GNAL: variants seen among roughly 807,000 people sequenced by gnomAD.
The protein encoded by GNAL is G protein subunit alpha L.
GNAL carries 18 observed loss-of-function variants against 55.1 expected under a neutral mutation model. That is an observed-to-expected ratio of 0.33 (90% CI 0.23 to 0.48). The LOEUF (loss-of-function observed/expected upper bound fraction) is 0.48. Ranked by LOEUF, GNAL falls within the 20% of genes least tolerant of loss-of-function variation. The pLI is 0.99. For missense variants in GNAL, 412 were observed against 614.1 expected (o/e 0.67, Z 3.48); for synonymous variants, 253 against 237.0 (o/e 1.07, Z -0.62).
At chr18:11,761,541 C>T (rs986278484) in intron 4 of GNAL, among the ~76,000 whole-genome samples, 1 of 152,226 alleles carries the variant, frequency 6.6e-6, no homozygotes, top group East Asian at 1.9e-4. Flanking sequence ...CCCACCATTT[C>T]GGCTTGGCCT....
chr18:11,857,377 C>A, intron 5 of GNAL: 1 of 501,110 alleles, frequency 2.0e-6, no homozygotes, highest in Non-Finnish European at 2.6e-6. Flanking sequence ...AGGAATGACA[C>A]AGGATCTGAG....
rs371094261 is a variant in GNAL at position 11,753,826 on chromosome 18, A to G, written c.505A>G (p.Thr169Ala). The change falls in exon 4 of 12, where the codon ACA becomes GCA. Residue 169 changes from threonine to alanine, a missense_variant and splice_region_variant. Transcript: ENST00000334049. ...TATTTTTTTTCTTATTCCATTTTAG[A>G]CAATTGTTTCAGCAATGAGTACTAT... is the stretch of plus-strand genomic sequence containing the variant. Reference protein sequence around the residue: ...IRKNVKDAIVTIVSAMSTIIP... With the variant: ...IRKNVKDAIVAIVSAMSTIIP... 102 of 1,607,466 alleles carry G rather than the reference A, an allele frequency of 6.3e-5. 2 individuals carry two copies. The highest frequency in any genetic ancestry group is 5.6e-4 in the East Asian group (25 of 44,862).
chr18:11,725,564 T>A (rs1198970033), intron 1 of GNAL, among the ~76,000 whole-genome samples: 3 of 152,264 alleles, frequency 2.0e-5, no homozygotes, highest in Non-Finnish European at 4.4e-5. Context: ...GTATGTAGCC[T>A]TTTCAGACTT....
At chr18:11,859,417 C>T (rs1349447053) in intron 5 of GNAL, among the ~76,000 whole-genome samples, 3 of 152,224 alleles carry the variant, frequency 2.0e-5, no homozygotes, top group Non-Finnish European at 2.9e-5. Flanking sequence ...CCTTCCACCA[C>T]GCTCTTCACC....
At chr18:11,779,275 A>G (rs2033865934) in intron 4 of GNAL, among the ~76,000 whole-genome samples, 1 of 152,188 alleles carries the variant, frequency 6.6e-6, no homozygotes, top group Non-Finnish European at 1.5e-5. Context: ...ATAGTTTGTC[A>G]TTGCACCCAG....
rs2031209102 is a variant in GNAL, at chr18:11,690,459, GC to G, written c.376+521del. Among the ~76,000 whole-genome samples, 4 of 147,704 alleles carry G rather than the reference GC, an allele frequency of 2.7e-5. No individual in the cohort carries two copies. In the South Asian group the frequency reaches 8.5e-4, roughly 31 times the overall value. On this transcript the variant is annotated intron_variant, in intron 1 of 11. Transcript: ENST00000334049. ...TTGAGAAAGAACTTGAGCTGCACTTGCATTTTTTTTTTATTATACTTTAAGT... is the reference window on the plus strand; with the variant it reads ...TTGAGAAAGAACTTGAGCTGCACTTGATTTTTTTTTTATTATACTTTAAGT...
chr18:11,692,140 C>T (rs1352542083), intron 1 of GNAL, among the ~76,000 whole-genome samples: 1 of 152,164 alleles, frequency 6.6e-6, no homozygotes, highest in South Asian at 2.1e-4. Context: ...CAGGTCTGTG[C>T]TCTCTGCTAT....
rs1044393018 is a variant in GNAL at position 11,689,568 on chromosome 18, G to A, written c.5G>A (p.Gly2Asp). Residue 2 changes from glycine to aspartate, a missense_variant, in exon 1 of 12, where the codon GGT becomes GAT. Gly to Asp is a moderately conservative substitution (Grantham distance 94, BLOSUM62 -1). Transcript: ENST00000334049. ...CCCCCGCTGTGCCGCGCCCACATGG[G>A]TCTGTGCTACAGTCTGCGGCCGCTG... M[G>D]LCYSLRPLLF... 3 of 1,282,026 alleles carry A rather than the reference G, an allele frequency of 2.3e-6. No homozygotes were observed. The highest frequency in any genetic ancestry group is 2.9e-6 in the Non-Finnish European group (3 of 1,018,162). The allele number at this position is 1,282,026 out of a possible 1,614,324, so 79.4% of individuals were successfully genotyped here.
chr18:11,722,595 G>T (rs761922078), intron 1 of GNAL, among the ~76,000 whole-genome samples: 6 of 152,212 alleles, frequency 3.9e-5, no homozygotes, highest in Non-Finnish European at 5.9e-5. Context: ...TGTTGGCTGG[G>T]TGCGGTGGCT....
intron 4 of GNAL, among the ~76,000 whole-genome samples, chr18:11,772,556 A>G (rs574857880): frequency 6.6e-6 from 1 of 152,268 alleles, no homozygotes; most frequent in African/African-American, 2.4e-5. Flanking sequence ...TAATCTTAGC[A>G]TTTCAGCTGG....
chr18:11,789,349 A>T (rs2034165667), intron 4 of GNAL, among the ~76,000 whole-genome samples: 1 of 152,226 alleles, frequency 6.6e-6, no homozygotes, highest in African/African-American at 2.4e-5. Flanking sequence ...CAAGAAGTGT[A>T]AAGTGGTTTT....
At chr18:11,744,019 G>A (rs915983556) in intron 1 of GNAL, among the ~76,000 whole-genome samples, 1 of 152,080 alleles carries the variant, frequency 6.6e-6, no homozygotes, top group African/African-American at 2.4e-5. Context: ...GCTTTTGTTT[G>A]GTTTTGTTTT....
chr18:11,817,242 A>G lies in GNAL; in HGVS notation c.625-7676A>G, dbSNP rs2034979829. On this transcript the variant is annotated intron_variant, in intron 4 of 11. Coordinates refer to ENST00000334049, the MANE Select transcript of GNAL (RefSeq NM_182978.4). ...CTCACTGGTCTCTTATACCCAAGGA[A>G]CTGCTATTGAGCAGAGAACAGGGAA... Among the ~76,000 whole-genome samples the G allele has an allele frequency of 2.0e-5, 3 of 152,238 alleles. No homozygotes were observed. The South Asian group carries it at 6.2e-4, about 31-fold the overall frequency.
At chr18:11,787,438 A>G (rs1254838395) in intron 4 of GNAL, among the ~76,000 whole-genome samples, 2 of 152,230 alleles carry the variant, frequency 1.3e-5, no homozygotes, top group African/African-American at 4.8e-5. Context: ...TTACAGTACT[A>G]TCATAATTTG....
At position 11,881,171 on chromosome 18, in the gene GNAL, C is replaced by T. The variant is rs1038521817; in HGVS notation, c.*36C>T. The T allele has an allele frequency of 7.0e-6, 11 of 1,565,594 alleles. No individual in the cohort carries two copies. The highest frequency in any genetic ancestry group is 6.8e-5 in the African/African-American group (5 of 73,908). On this transcript the variant is annotated 3_prime_UTR_variant, in exon 12 of 12. Transcript: ENST00000334049. The surrounding 1 kb of genome is among the most constrained non-coding windows in gnomAD (Gnocchi z 4.8). The stretch of plus-strand genomic sequence containing the variant: ...GCCACCCTGCGACGGAGCGGCGCCC[C>T]GGACTGCCTGACTGCCAGCCCCATG...
chr18:11,876,763 CCTT>C, intron 11 of GNAL, 75 bp downstream of exon 11: 1 of 825,880 alleles, frequency 1.2e-6, no homozygotes, highest in Middle Eastern at 2.2e-4. Flanking sequence ...GCAAATTACT[CCTT>C]GATGATCTCA....
At chr18:11,855,738 C>T (rs1245729814) in intron 5 of GNAL, among the ~76,000 whole-genome samples, 4 of 152,064 alleles carry the variant, frequency 2.6e-5, no homozygotes, top group South Asian at 2.1e-4. Context: ...TTTGGGAGGC[C>T]GAGGCAGGCA....
chr18:11,708,897 T>A (rs1034227421), intron 1 of GNAL, among the ~76,000 whole-genome samples: 19 of 152,310 alleles, frequency 1.2e-4, no homozygotes, highest in Admixed American at 6.5e-5. Context: ...GTCAGGAAAC[T>A]TTTTTCCTAT....
chr18:11,739,260 C>T (rs1053304768), intron 1 of GNAL, among the ~76,000 whole-genome samples: 2 of 152,220 alleles, frequency 1.3e-5, no homozygotes, highest in Non-Finnish European at 2.9e-5. Flanking sequence ...CACCCAGGTT[C>T]GCCTCTTGTT....
Sources: allele counts gnomAD v4.1 joint callset (sites outside exome capture counted in the v4.1 genomes callset), GRCh38; gene constraint gnomAD v4.1.1; non-coding constraint Gnocchi (gnomAD v3.1); transcripts MANE v1.5; gene names NCBI Gene and HGNC (gene_info 2026-07-23, HGNC 2026-07-21).